The following MAD1L1 variants were observed in gnomAD, a reference collection of about 807,000 sequenced individuals.
MAD1L1 encodes mitotic arrest deficient 1 like 1.
A neutral mutation model predicts 96.9 loss-of-function variants in MAD1L1; 95 were observed. The ratio of observed to expected loss-of-function variants is 0.98; its 90% CI spans 0.83 to 1.16. MAD1L1 has a LOEUF of 1.16. Among genes scored for constraint, MAD1L1 ranks in the 50% most tolerant of loss-of-function variants. The pLI is 0.00. For missense variants in MAD1L1, 1,007 were observed against 954.4 expected, an observed-to-expected ratio of 1.06 and a Z score of -0.73; for synonymous variants, 473 against 396.6, an observed-to-expected ratio of 1.19 and a Z score of -2.29.
intron 11 of MAD1L1, among the ~76,000 whole-genome samples, chr7:2,081,109 A>G (rs1785621608): frequency 6.6e-6 from 1 of 151,902 alleles, no homozygotes; most frequent in African/African-American, 2.4e-5. Flanking sequence ...CCAGGAACCA[A>G]GGACAGGACT....
chr7:2,033,133 C>A (rs934640456), intron 12 of MAD1L1, among the ~76,000 whole-genome samples: 1 of 152,250 alleles, frequency 6.6e-6, no homozygotes, highest in Non-Finnish European at 1.5e-5. Flanking sequence ...CACTCATACA[C>A]TCGCCAGCCA....
At chr7:1,970,331 C>CTTTTT (rs34240381) in intron 15 of MAD1L1, among the ~76,000 whole-genome samples, 7 of 116,516 alleles carry the variant, frequency 6.0e-5, no homozygotes, top group Non-Finnish European at 1.1e-4. Context: ...TTAATTTTTA[C>CTTTTT]TTTTTTTTTT....
intron 18 of MAD1L1, among the ~76,000 whole-genome samples, chr7:1,863,660 G>T (rs117852568): frequency 4.7e-4 from 72 of 152,316 alleles, no homozygotes; most frequent in Non-Finnish European, 8.2e-4. Flanking sequence ...GTTCTCAGCT[G>T]CCCTGCCCTG....
At position 1,980,304 on chromosome 7, in the gene MAD1L1, G is replaced by A. The variant is rs10239191; in HGVS notation, c.1505+149C>T. ...CCTGAGCACGTCCGCCTCTTCCTCC[G>A]TGGGACACACCTGGGCGTATCCGCC... On this transcript the variant is annotated intron_variant, in intron 15 of 18. Transcript: ENST00000265854. The A allele has an allele frequency of 4.8e-3, 3,101 of 641,638 alleles. 65 individuals carry two copies. The highest frequency in any genetic ancestry group is 0.047 in the African/African-American group (2,585 of 54,570). The allele number at this position is 641,638 out of a possible 1,614,324, so 39.7% of individuals were successfully genotyped here. A position where few individuals can be genotyped will look rare whatever the true frequency, so the allele number is the denominator to read the frequency against.
intron 10 of MAD1L1, among the ~76,000 whole-genome samples, chr7:2,157,391 A>G (rs1476793348): frequency 6.6e-6 from 1 of 152,090 alleles, no homozygotes; most frequent in East Asian, 1.9e-4. Flanking sequence ...GCAAGTCCAC[A>G]CCTCACATGC....
chr7:2,133,585 C>G (rs1562717919), intron 11 of MAD1L1, among the ~76,000 whole-genome samples: 1 of 152,248 alleles, frequency 6.6e-6, no homozygotes, highest in African/African-American at 2.4e-5. Flanking sequence ...TTCTTTCAGA[C>G]TGTGCCTTTG....
At chr7:2,064,421 G>A (rs1321461995) in intron 12 of MAD1L1, among the ~76,000 whole-genome samples, 1 of 152,210 alleles carries the variant, frequency 6.6e-6, no homozygotes, top group Non-Finnish European at 1.5e-5. Context: ...ACCATAGCAT[G>A]GAGAGGAGGC....
intron 12 of MAD1L1, among the ~76,000 whole-genome samples, chr7:2,053,337 G>A (rs1444599259): frequency 6.6e-6 from 1 of 152,178 alleles, no homozygotes; most frequent in Non-Finnish European, 1.5e-5. Context: ...GGCAGAGGCA[G>A]GAGAGCTGCT....
chr7:2,160,986 T>C (rs1479596087), intron 10 of MAD1L1, among the ~76,000 whole-genome samples: 3 of 152,136 alleles, frequency 2.0e-5, no homozygotes, highest in African/African-American at 7.2e-5. Flanking sequence ...AAAACAATTC[T>C]ATCATTCCTA....
chr7:1,903,502 A>G (rs1391599352), intron 17 of MAD1L1, among the ~76,000 whole-genome samples: 2 of 146,204 alleles, frequency 1.4e-5, no homozygotes, highest in Admixed American at 6.7e-5. Context: ...TTGATCAAGC[A>G]CTGTTCCAGG....
chr7:2,112,258 C>T (rs1056053563), intron 11 of MAD1L1, among the ~76,000 whole-genome samples: 4 of 152,064 alleles, frequency 2.6e-5, no homozygotes, highest in East Asian at 3.9e-4. Flanking sequence ...TGTGAAAATG[C>T]GCAGCTGCAC....
At chr7:2,232,082 C>G (rs920963323) in intron 1 of MAD1L1, among the ~76,000 whole-genome samples, 1 of 152,204 alleles carries the variant, frequency 6.6e-6, no homozygotes, top group Non-Finnish European at 1.5e-5. Context: ...AGGCTGAAGA[C>G]AAACCGCAGT....
At chr7:1,850,116 C>G (rs1039616167) in intron 18 of MAD1L1, among the ~76,000 whole-genome samples, 4 of 152,172 alleles carry the variant, frequency 2.6e-5, no homozygotes, top group African/African-American at 9.7e-5. Context: ...CTCTCGTTCG[C>G]CTTAATCTGA....
At chr7:1,869,381 GC>G (rs1301082089) in intron 18 of MAD1L1, among the ~76,000 whole-genome samples, 2 of 152,082 alleles carry the variant, frequency 1.3e-5, no homozygotes, top group Admixed American at 6.5e-5. Flanking sequence ...GCTCTCAAGG[GC>G]AAGAACCAAG....
At chr7:2,160,045 T>C (rs561433343) in intron 10 of MAD1L1, among the ~76,000 whole-genome samples, 43 of 149,724 alleles carry the variant, frequency 2.9e-4, no homozygotes, top group African/African-American at 1.0e-3. Context: ...CTAGGCAACA[T>C]GGTAAAACCC....
At chr7:2,050,095 GT>G (rs1784103568) in intron 12 of MAD1L1, among the ~76,000 whole-genome samples, 1 of 103,132 alleles carries the variant, frequency 9.7e-6, no homozygotes, top group Non-Finnish European at 2.0e-5. Flanking sequence ...CTCACCCAGC[GT>G]CTGCGGGCAC....
Position 1,815,807 on chromosome 7 carries a change from G to C in MAD1L1, c.*263C>G. 4.0e-6 allele frequency: 2 copies of C among 495,288 alleles called. No homozygotes were observed. The highest frequency in any genetic ancestry group is 7.3e-6 in the Non-Finnish European group (2 of 275,102). The allele number at this position is 495,288 out of a possible 1,614,324, so 30.7% of individuals were successfully genotyped here. A position where few individuals can be genotyped will look rare whatever the true frequency, so the allele number is the denominator to read the frequency against. Reference sequence around the variant, plus strand: ...GCGAGTGGGAGTGTCTAGGGGAGAAGATTTTATTTCACAAGGTGAGGAACC... The same window carrying C: ...GCGAGTGGGAGTGTCTAGGGGAGAACATTTTATTTCACAAGGTGAGGAACC... On this transcript the variant is annotated 3_prime_UTR_variant, in exon 19 of 19. Transcript: ENST00000265854.
At chr7:2,053,086 G>A (rs940582927) in intron 12 of MAD1L1, among the ~76,000 whole-genome samples, 7 of 152,218 alleles carry the variant, frequency 4.6e-5, no homozygotes, top group Non-Finnish European at 8.8e-5. Flanking sequence ...CTACCCTCCT[G>A]CTCTGCCACT....
chr7:1,825,060 T>C (rs1159413130), intron 18 of MAD1L1, among the ~76,000 whole-genome samples: 2 of 152,226 alleles, frequency 1.3e-5, no homozygotes, highest in Non-Finnish European at 2.9e-5. Flanking sequence ...AAGTGACTCA[T>C]GGTTCTCTGC....
Sources: gnomAD v4.1 joint callset for allele counts (sites outside exome capture counted in the v4.1 genomes callset) on GRCh38, gnomAD v4.1.1 for gene constraint, MANE v1.5 for transcripts, NCBI Gene and HGNC (gene_info 2026-07-23, HGNC 2026-07-21) for gene names.